Variants in MYH11 observed in about 807,000 individuals in gnomAD.
MYH11 encodes myosin heavy chain 11, also known as myosin-11.
MYH11 carries 80 observed loss-of-function variants against 246.6 expected under a neutral mutation model. That is an observed-to-expected ratio of 0.32 (90% CI 0.27 to 0.39). The LOEUF (loss-of-function observed/expected upper bound fraction) is 0.39. MYH11 is among the 10% of genes least tolerant of loss of function. The probability of loss-of-function intolerance (pLI) is 1.00; values close to 1 mark genes in which losing one functional copy is unlikely to be tolerated. For missense variants in MYH11, 2,158 were observed against 2,546.8 expected (o/e 0.85, Z 3.29); for synonymous variants, 1,071 against 1,015.5 (o/e 1.05, Z -1.04).
chr16:15,755,750 T>C (rs2041695181), intron 14 of MYH11, among the ~76,000 whole-genome samples: 1 of 152,172 alleles, frequency 6.6e-6, no homozygotes, highest in African/African-American at 2.4e-5. Context: ...CTGGCCAACA[T>C]GGCGAAACCC....
Position 15,832,530 on chromosome 16 carries a change from C to T in MYH11, c.345+5378G>A, listed in dbSNP as rs554658206. On this transcript the variant is annotated intron_variant, in intron 2 of 40. Transcript: ENST00000300036. Reference sequence around the variant, plus strand: ...GGGACTGCTACTCGCACTCTGCATTCTGCAGTGTCAGGTCCTCTGCTTTTT... The same window carrying T: ...GGGACTGCTACTCGCACTCTGCATTTTGCAGTGTCAGGTCCTCTGCTTTTT... 5.3e-5 allele frequency among the ~76,000 whole-genome samples: 8 copies of T among 152,336 alleles called. No individual in the cohort carries two copies. In the South Asian group the frequency reaches 1.7e-3, roughly 32 times the overall value.
At chr16:15,826,142 G>GTTCGTTCATTCA (rs928565098) in intron 2 of MYH11, among the ~76,000 whole-genome samples, 2 of 150,920 alleles carry the variant, frequency 1.3e-5, no homozygotes, top group African/African-American at 2.4e-5. Flanking sequence ...CTGATCGTTC[G>GTTCGTTCATTCA]TTCATTCATT....
chr16:15,763,736 T>TCTGCTGGGGCGGGCCCCCCCCCCCC, intron 10 of MYH11, 60 bp downstream of exon 10: 1 of 776,510 alleles, frequency 1.3e-6, no homozygotes, highest in Non-Finnish European at 2.4e-6. Context: ...TGGTTAAATG[T>TCTGCTGGGGCGGGCCCCCCCCCCCC]CACCTCCCCC....
At chr16:15,709,658 C>CTT (rs1179591710) in intron 40 of MYH11, among the ~76,000 whole-genome samples, 1 of 152,142 alleles carries the variant, frequency 6.6e-6, no homozygotes, top group Non-Finnish European at 1.5e-5. Flanking sequence ...TTTAGAGCTA[C>CTT]TTTTAAGAAC....
intron 19 of MYH11, 26 bp from the exon 20 acceptor site, chr16:15,745,263 G>C (rs771297724): frequency 3.8e-6 from 6 of 1,559,552 alleles, no homozygotes; most frequent in Admixed American, 1.7e-5. Flanking sequence ...GAGAAGGTGC[G>C]GGGGTCATGA....
Position 15,717,120 on chromosome 16 carries a change from G to A in MYH11, c.5504+20C>T, listed in dbSNP as rs901538484. On this transcript the variant is annotated intron_variant, in intron 38 of 40. Transcript: ENST00000300036. ...CATCACCCCCCTGCAAACTGGGTTC[G>A]GAACTCCACACCCGCATACCTGGCC... The A allele has an allele frequency of 8.1e-6, 13 of 1,613,666 alleles. No homozygotes were observed. The highest frequency in any genetic ancestry group is 3.3e-5 in the Admixed American group (2 of 59,988).
intron 1 of MYH11, among the ~76,000 whole-genome samples, chr16:15,847,440 C>T (rs7196358): frequency 0.2 from 30,909 of 151,614 alleles, 3,514 homozygotes; most frequent in East Asian, 0.43. Flanking sequence ...TTTGTAGAGA[C>T]GGGGTTTCAC....
intron 4 of MYH11, among the ~76,000 whole-genome samples, chr16:15,787,345 C>G (rs2042494603): frequency 6.6e-6 from 1 of 151,980 alleles, no homozygotes; most frequent in African/African-American, 2.4e-5. Context: ...GAGTTTGAGG[C>G]CACAGTGAGC....
In MYH11 at chr16:15,720,932, T is replaced by C; in HGVS notation, c.4698A>G (p.Glu1566=). The C allele has an allele frequency of 1.9e-6, 3 of 1,614,050 alleles. No individual in the cohort carries two copies. The highest frequency in any genetic ancestry group is 2.5e-6 in the Non-Finnish European group (3 of 1,180,024). ...GGCCCTTGAGCGCCTGCATGTTGAC[T>C]TCCAGCCGCAGTTTGGCGTCCTCCG... ...QATEDAKLRL[E]VNMQALKGQF... is the part of the protein sequence containing the mutation. The change falls in exon 33 of 41, where the codon GAA becomes GAG. Residue 1566 remains glutamate (E), a synonymous_variant. Transcript: ENST00000300036.
intron 6 of MYH11, among the ~76,000 whole-genome samples, chr16:15,780,287 T>G (rs1393376606): frequency 6.6e-6 from 1 of 151,978 alleles, no homozygotes; most frequent in African/African-American, 2.4e-5. Context: ...GGGGCCGCTG[T>G]TGTTAGTGAA....
rs564469404 is a variant in MYH11 at position 15,771,774 on chromosome 16, C to T, written c.890-62G>A. On this transcript the variant is annotated intron_variant, in intron 8 of 40. Coordinates refer to ENST00000300036, the MANE Select transcript of MYH11 (RefSeq NM_002474.3). ...CATACTTCTAATTTCAACATGAGACCGAGATCTGGTCAAGGGTCTGGGCCA... is the reference window on the plus strand; with the variant it reads ...CATACTTCTAATTTCAACATGAGACTGAGATCTGGTCAAGGGTCTGGGCCA... 27 of 1,594,910 alleles carry T rather than the reference C, an allele frequency of 1.7e-5. No homozygotes were observed. The South Asian group carries it at 2.4e-4, about 14-fold the overall frequency.
intron 4 of MYH11, among the ~76,000 whole-genome samples, chr16:15,787,399 C>T (rs1031347459): frequency 3.3e-5 from 5 of 151,822 alleles, no homozygotes; most frequent in Non-Finnish European, 7.4e-5. Flanking sequence ...CAGAGCAAGA[C>T]CTCATCTCTA....
At chr16:15,766,378 T>C (rs2041983011) in intron 9 of MYH11, among the ~76,000 whole-genome samples, 1 of 146,222 alleles carries the variant, frequency 6.8e-6, no homozygotes, top group African/African-American at 2.5e-5. Context: ...TGTGTGTGTG[T>C]GTGTGTGTGT....
At chr16:15,723,538 A>G (rs1430426450) in intron 31 of MYH11, among the ~76,000 whole-genome samples, 1 of 152,170 alleles carries the variant, frequency 6.6e-6, no homozygotes, top group Non-Finnish European at 1.5e-5. Flanking sequence ...TCCCGGCTAC[A>G]TGAAAGGCTG....
At chr16:15,841,631 C>T (rs1275297173) in intron 1 of MYH11, among the ~76,000 whole-genome samples, 1 of 152,156 alleles carries the variant, frequency 6.6e-6, no homozygotes, top group Non-Finnish European at 1.5e-5. Flanking sequence ...CGTTATCTGT[C>T]GTTATCCAGA....
chr16:15,855,864 C>G lies in MYH11; in HGVS notation c.-18+1077G>C, dbSNP rs145292588. 3.3e-5 allele frequency among the ~76,000 whole-genome samples: 5 copies of G among 152,184 alleles called. No individual in the cohort carries two copies. The South Asian group carries it at 1.0e-3, about 32-fold the overall frequency. ...TGCATTCTTTTTGCCAAACCCCGGACGGACAGTTCACCATTTAATCTCTCA... is the reference window on the plus strand; with the variant it reads ...TGCATTCTTTTTGCCAAACCCCGGAGGGACAGTTCACCATTTAATCTCTCA... On this transcript the variant is annotated intron_variant, in intron 1 of 40. Transcript: ENST00000300036.
Position 15,748,053 on chromosome 16 carries a change from C to T in MYH11, c.2174G>A (p.Arg725His). 6.2e-7 allele frequency: 1 copy of T among 1,614,190 alleles called. No homozygotes were observed. Among genetic ancestry groups the T allele is most frequent in the Non-Finnish European group, 8.5e-7 (1 of 1,180,036 alleles). ...GCCAGACCTTGGGACTTACCGTTGG[C>T]GGAACTCCTGGAAGACGATCCGGTT... ...FPNRIVFQEF[R>H]QRYEILAANA... Residue 725 changes from arginine to histidine, a missense_variant, in exon 17 of 41, where the codon CGC becomes CAC. Around this residue, in one of 11 missense-constraint regions of MYH11, gnomAD observed 317 missense variants for 507.7 expected, o/e 0.62. Coordinates refer to ENST00000300036, the MANE Select transcript of MYH11 (RefSeq NM_002474.3).
At chr16:15,834,916 T>C (rs990723704) in intron 2 of MYH11, among the ~76,000 whole-genome samples, 1 of 150,188 alleles carries the variant, frequency 6.7e-6, no homozygotes, top group Non-Finnish European at 1.5e-5. Flanking sequence ...CAGAAGTTTT[T>C]TTTTTTTTTT....
chr16:15,807,725 C>T lies in MYH11; in HGVS notation c.503-9038G>A, dbSNP rs548379505. Among the ~76,000 whole-genome samples the T allele has an allele frequency of 1.2e-4, 19 of 152,274 alleles. No homozygotes were observed. The East Asian group carries it at 2.3e-3, about 19-fold the overall frequency. ...TGTCACCTCACACCCCATCCTTAAA[C>T]ATGCCTCTCTCCCTTCCTCCTCCCC... On this transcript the variant is annotated intron_variant, in intron 3 of 40. Coordinates refer to ENST00000300036, the MANE Select transcript of MYH11 (RefSeq NM_002474.3).
Sources: allele counts gnomAD v4.1 joint callset (sites outside exome capture counted in the v4.1 genomes callset), GRCh38; gene constraint gnomAD v4.1.1; regional missense constraint gnomAD v4.1.1; transcripts MANE v1.5; gene names NCBI Gene and HGNC (gene_info 2026-07-23, HGNC 2026-07-21).